Variants in LPAR4 observed in about 807,000 individuals in gnomAD.
The protein encoded by LPAR4 is lysophosphatidic acid receptor 4, also known as G-protein coupled receptor 23.
In LPAR4, 14 loss-of-function variants were observed where a neutral mutation model predicts 9.2. The ratio of observed to expected loss-of-function variants is 1.51; its 90% CI spans 1.00 to 2.37. LPAR4 has a LOEUF of 2.37. LPAR4 is among the 30% of genes most tolerant of loss of function. LPAR4 has a pLI of 0.00. For synonymous variants in LPAR4, 131 were observed against 97.9 expected (o/e 1.34, Z -1.99); for missense variants, 251 against 272.1 (o/e 0.92, Z 0.55).
At position 78,757,255 on chromosome X, in the gene LPAR4, C is replaced by T. The variant is rs1181149805; in HGVS notation, c.*1273C>T. Among the ~76,000 whole-genome samples the T allele has an allele frequency of 9.0e-6, 1 of 111,442 alleles. No individual in the cohort carries two copies. The highest frequency in any genetic ancestry group is 1.9e-5 in the Non-Finnish European group (1 of 52,991). On this transcript the variant is annotated 3_prime_UTR_variant, in exon 5 of 5. Transcript: ENST00000614823. ...ATTTGCATAACATTTTGAAGCACAACGCAGCTACCAAGTGGCTAAATTCGT... is the reference window on the plus strand; with the variant it reads ...ATTTGCATAACATTTTGAAGCACAATGCAGCTACCAAGTGGCTAAATTCGT...
Position 78,753,064 on chromosome X carries a change from A to G in LPAR4, c.-79-1727A>G, listed in dbSNP as rs183664247. ...GGGACCTGCTTCCTGTCCATTGTCA[A>G]TAAAAATGCAGCTACCCAACACTCT... On this transcript the variant is annotated intron_variant, in intron 4 of 4. Coordinates refer to ENST00000614823, the MANE Select transcript of LPAR4 (RefSeq NM_001278000.3). Among the ~76,000 whole-genome samples, 28 of 111,843 alleles carry G rather than the reference A, an allele frequency of 2.5e-4. No homozygotes were observed. In the Admixed American group the frequency reaches 2.6e-3, roughly 11 times the overall value.
Position 78,756,736 on chromosome X carries a change from A to T in LPAR4, c.*754A>T, listed in dbSNP as rs985754202. On this transcript the variant is annotated 3_prime_UTR_variant, in exon 5 of 5. Coordinates refer to ENST00000614823, the MANE Select transcript of LPAR4 (RefSeq NM_001278000.3). ...TAAAACAGGAAAGTGTCAATAAAAA[A>T]ACTTGAGCAACACCAACATATTTTT... The T allele has an allele frequency of 2.4e-5, 3 of 122,507 alleles. No individual in the cohort carries two copies. The highest frequency in any genetic ancestry group is 9.8e-5 in the African/African-American group (3 of 30,637). 10.1% of individuals were successfully genotyped at this position (122,507 alleles called of 1,213,427 possible). A position where few individuals can be genotyped will look rare whatever the true frequency, so the allele number is the denominator to read the frequency against.
chrX:78,755,226 T>A lies in LPAR4; in HGVS notation c.357T>A (p.Leu119=). Residue 119 remains leucine, a synonymous_variant, in exon 5 of 5, where the codon CTT becomes CTA. Transcript: ENST00000614823. ...TLCKISGTAF[L]TNIYGSMLFL... ...GCAAGATCTCTGGAACTGCATTCCTTACCAACATCTATGGGAGCATGCTCT... is the reference window on the plus strand; with the variant it reads ...GCAAGATCTCTGGAACTGCATTCCTAACCAACATCTATGGGAGCATGCTCT... 8.3e-7 allele frequency: 1 copy of A among 1,211,237 alleles called. No homozygotes were observed. The highest frequency in any genetic ancestry group is 1.1e-6 in the Non-Finnish European group (1 of 895,098).
chrX:78,754,790 G>A lies in LPAR4; in HGVS notation c.-79-1G>A. On this transcript the variant is annotated splice_acceptor_variant, in intron 4 of 4. Coordinates refer to ENST00000614823, the MANE Select transcript of LPAR4 (RefSeq NM_001278000.3). LOFTEE classifies it low-confidence loss of function (5UTR_SPLICE). ...TATTTGTTCCATCTTGTCTCTCATA[G>A]GAGGAAAATATTTCCTACCGGTCCA... 2.3e-6 allele frequency: 2 copies of A among 862,438 alleles called. No homozygotes were observed. The highest frequency in any genetic ancestry group is 3.2e-6 in the Non-Finnish European group (2 of 621,942). 71.1% of individuals were successfully genotyped at this position (862,438 alleles called of 1,213,427 possible). A position where few individuals can be genotyped will look rare whatever the true frequency, so the allele number is the denominator to read the frequency against.
At position 78,755,202 on chromosome X, in the gene LPAR4, C is replaced by A; in HGVS notation, c.333C>A (p.Cys111Ter). ...ACTGGCCTTTTGGTGACACCCTCTG[C>A]AAGATCTCTGGAACTGCATTCCTTA... is the stretch of plus-strand genomic sequence containing the variant. The part of the protein sequence containing the change: ...NRHWPFGDTL[C>*]KISGTAFLTN... The change falls in exon 5 of 5, where the codon TGC (cysteine) becomes TGA (stop). Residue 111 changes from cysteine (C) to a stop codon, truncating the protein, a stop_gained. Transcript: ENST00000614823. LOFTEE classifies it high-confidence loss of function. The A allele has an allele frequency of 8.3e-7, 1 of 1,210,813 alleles. No homozygotes were observed. Among genetic ancestry groups the A allele is most frequent in the Non-Finnish European group, 1.1e-6 (1 of 894,567 alleles).
In LPAR4 at chrX:78,753,803, C is replaced by T. The variant is rs1030335533; in HGVS notation, c.-79-988C>T. On this transcript the variant is annotated intron_variant, in intron 4 of 4. Coordinates refer to ENST00000614823, the MANE Select transcript of LPAR4 (RefSeq NM_001278000.3). ...AGTGTCTGAGTCAGAAATAGAACTCCTTGCTTCTAATGCTGTGTTAAGTCC... is the reference window on the plus strand; with the variant it reads ...AGTGTCTGAGTCAGAAATAGAACTCTTTGCTTCTAATGCTGTGTTAAGTCC... 1.9e-4 allele frequency among the ~76,000 whole-genome samples: 21 copies of T among 111,698 alleles called. No individual in the cohort carries two copies. The Admixed American group carries it at 1.9e-3, about 10-fold the overall frequency.
rs1448972232 is a variant in LPAR4, at chrX:78,757,115, A to T, written c.*1133A>T. 3 of 121,345 alleles carry T rather than the reference A, an allele frequency of 2.5e-5. No homozygotes were observed. Among genetic ancestry groups the T allele is most frequent in the African/African-American group, 9.8e-5 (3 of 30,484 alleles). The allele number at this position is 121,345 out of a possible 1,213,427, so 10.0% of individuals were successfully genotyped here. A position where few individuals can be genotyped will look rare whatever the true frequency, so the allele number is the denominator to read the frequency against. ...AACAACACATAAACTAAACCAAACC[A>T]AAACAAAAAAACCAGAGAACCCCAA... On this transcript the variant is annotated 3_prime_UTR_variant, in exon 5 of 5. Transcript: ENST00000614823.
rs1032715710 is a variant in LPAR4 at position 78,751,193 on chromosome X, C to A, written c.-181-17C>A. 4.5e-5 allele frequency: 5 copies of A among 111,239 alleles called. No homozygotes were observed. Among genetic ancestry groups the A allele is most frequent in the African/African-American group, 1.3e-4 (4 of 30,641 alleles). The allele number at this position is 111,239 out of a possible 1,213,427, so 9.2% of individuals were successfully genotyped here. ...CTCTCTTTATGGCACACTATTATGA[C>A]TATTTCTATTTCACAGCACCCATTG... On this transcript the variant is annotated splice_polypyrimidine_tract_variant and intron_variant, in intron 3 of 4. Transcript: ENST00000614823.
chrX:78,751,943 G>A (rs1925080159), intron 4 of LPAR4, among the ~76,000 whole-genome samples: 4 of 110,985 alleles, frequency 3.6e-5, no homozygotes, highest in Admixed American at 2.9e-4. Flanking sequence ...ATTTCCCAAA[G>A]ATTGGACTGT....
At position 78,755,137 on chromosome X, in the gene LPAR4, T is replaced by A; in HGVS notation, c.268T>A (p.Cys90Ser). 8.3e-7 allele frequency: 1 copy of A among 1,211,206 alleles called. No homozygotes were observed. The highest frequency in any genetic ancestry group is 1.1e-6 in the Non-Finnish European group (1 of 895,046). Residue 90 changes from cysteine to serine, a missense_variant, in exon 5 of 5, where the codon TGT becomes AGT. Physicochemically the swap from Cys to Ser is moderately radical, Grantham distance 112 (BLOSUM62 -1). Coordinates refer to ENST00000614823, the MANE Select transcript of LPAR4 (RefSeq NM_001278000.3). ...NLAVSDLLFV[C>S]TLPFKIFYNF... is the part of the protein sequence containing the mutation. ...AGCTGTCTCTGATTTGCTTTTTGTC[T>A]GTACACTACCTTTTAAAATATTTTA...
At position 78,755,452 on chromosome X, in the gene LPAR4, C is replaced by T. The variant is rs750593970; in HGVS notation, c.583C>T (p.Arg195Cys). The T allele has an allele frequency of 4.1e-6, 5 of 1,207,937 alleles. No individual in the cohort carries two copies. Among genetic ancestry groups the T allele is most frequent in the African/African-American group, 1.8e-5 (1 of 56,991 alleles). Residue 195 changes from arginine (R) to cysteine (C), a missense_variant, in exon 5 of 5, where the codon CGT (arginine) becomes TGT (cysteine). By Grantham distance (180) the Arg-to-Cys change is radical. Coordinates refer to ENST00000614823, the MANE Select transcript of LPAR4 (RefSeq NM_001278000.3). ...CACCTGCTTTGAAGGCTTCTCCAAA[C>T]GTGTCTGGAAGACTTATTTATCCAA... Reference protein sequence around the residue: ...TTTCFEGFSKRVWKTYLSKIT... With the variant: ...TTTCFEGFSKCVWKTYLSKIT...
At chrX:78,754,407 T>C (rs2147503617) in intron 4 of LPAR4, among the ~76,000 whole-genome samples, 1 of 111,614 alleles carries the variant, frequency 9.0e-6, no homozygotes. Context: ...CCAAATAAAA[T>C]AATTATACTG....
Position 78,755,063 on chromosome X carries a change from G to T in LPAR4, c.194G>T (p.Cys65Phe), listed in dbSNP as rs201786878. Residue 65 changes from cysteine (C) to phenylalanine (F), a missense_variant, in exon 5 of 5, where the codon TGT becomes TTT. Cys to Phe is a radical substitution (Grantham distance 205, BLOSUM62 -2). Coordinates refer to ENST00000614823, the MANE Select transcript of LPAR4 (RefSeq NM_001278000.3). ...ITNSVSLFVFCFRMKMRSETA... is the reference protein window; with the variant it reads ...ITNSVSLFVFFFRMKMRSETA... ...AACAGTGTCTCTCTGTTTGTCTTCTGTTTCCGCATGAAAATGAGAAGTGAG... is the reference window on the plus strand; with the variant it reads ...AACAGTGTCTCTCTGTTTGTCTTCTTTTTCCGCATGAAAATGAGAAGTGAG... 1.3e-5 allele frequency: 16 copies of T among 1,209,199 alleles called. No homozygotes were observed. Among genetic ancestry groups the T allele is most frequent in the Non-Finnish European group, 1.7e-5 (15 of 893,423 alleles).
In LPAR4 at chrX:78,756,237, G is replaced by T; in HGVS notation, c.*255G>T. ...TTTCATTGTATCGCATTATCCAGGTGGCTAGTGGCATTTGATAATATAGAG... is the reference window on the plus strand; with the variant it reads ...TTTCATTGTATCGCATTATCCAGGTTGCTAGTGGCATTTGATAATATAGAG... On this transcript the variant is annotated 3_prime_UTR_variant, in exon 5 of 5. Coordinates refer to ENST00000614823, the MANE Select transcript of LPAR4 (RefSeq NM_001278000.3). 1 of 324,229 alleles carries T rather than the reference G, an allele frequency of 3.1e-6. No homozygotes were observed. The highest frequency in any genetic ancestry group is 5.5e-6 in the Non-Finnish European group (1 of 181,014). The allele number at this position is 324,229 out of a possible 1,213,427, so 26.7% of individuals were successfully genotyped here.
chrX:78,748,946 C>A (rs894290317), intron 1 of LPAR4: 10 of 111,599 alleles, frequency 9.0e-5, no homozygotes, highest in African/African-American at 2.6e-4. Flanking sequence ...ATTATAAAAC[C>A]TTTTGCCTTG....
rs777760145 is a variant in LPAR4 at position 78,755,033 on chromosome X, T to C, written c.164T>C (p.Ile55Thr). The C allele has an allele frequency of 8.3e-7, 1 of 1,207,404 alleles. No individual in the cohort carries two copies. Among genetic ancestry groups the C allele is most frequent in the East Asian group, 3.0e-5 (1 of 33,782 alleles). ...VYSVVFILGL[I>T]TNSVSLFVFC... The stretch of plus-strand genomic sequence containing the variant: ...AGTGTTGTATTCATCTTGGGTCTGA[T>C]AACCAACAGTGTCTCTCTGTTTGTC... Residue 55 changes from isoleucine (I) to threonine (T), a missense_variant, in exon 5 of 5, where the codon ATA (isoleucine) becomes ACA (threonine). By Grantham distance (89) the Ile-to-Thr change is moderately conservative. Transcript: ENST00000614823.
chrX:78,748,569 G>A (rs1924932430), intron 1 of LPAR4, among the ~76,000 whole-genome samples: 1 of 112,067 alleles, frequency 8.9e-6, no homozygotes, highest in African/African-American at 3.2e-5. Context: ...GAAATTAATT[G>A]CTGTTTGCCA....
chrX:78,752,967 A>C (rs1353825101), intron 4 of LPAR4, among the ~76,000 whole-genome samples: 5 of 111,429 alleles, frequency 4.5e-5, no homozygotes, highest in Non-Finnish European at 9.4e-5. Flanking sequence ...AATTGTGGCC[A>C]CTCTGAATTA....
chrX:78,755,971 T>C lies in LPAR4; in HGVS notation c.1102T>C (p.Ser368Pro), dbSNP rs747746220. ...TNNGGELMLE[S>P]TF ...TAATGGTGGTGAATTAATGCTAGAATCCACCTTTTAGGTATGAGAAATGTG... is the reference window on the plus strand; with the variant it reads ...TAATGGTGGTGAATTAATGCTAGAACCCACCTTTTAGGTATGAGAAATGTG... Residue 368 changes from serine (S) to proline (P), a missense_variant, in exon 5 of 5, where the codon TCC becomes CCC. By Grantham distance (74) the Ser-to-Pro change is moderately conservative (BLOSUM62 -1). Transcript: ENST00000614823. The C allele has an allele frequency of 8.3e-7, 1 of 1,202,862 alleles. No individual in the cohort carries two copies. Among genetic ancestry groups the C allele is most frequent in the South Asian group, 1.8e-5 (1 of 55,528 alleles).
Sources: allele counts gnomAD v4.1 joint callset (sites outside exome capture counted in the v4.1 genomes callset), GRCh38; gene constraint gnomAD v4.1.1; transcripts MANE v1.5; gene names NCBI Gene and HGNC (gene_info 2026-07-23, HGNC 2026-07-21).